The following TMEM120B variants were observed in gnomAD, a reference collection of about 807,000 sequenced individuals.
TMEM120B encodes transmembrane protein 120B.
TMEM120B carries 31 observed loss-of-function variants against 55.5 expected under a neutral mutation model. The ratio of observed to expected loss-of-function variants is 0.56; its 90% CI spans 0.42 to 0.75. The LOEUF is 0.75. Ranked by LOEUF, TMEM120B falls within the 30% of genes least tolerant of loss-of-function variation. The pLI is 0.00. For missense variants in TMEM120B, 399 were observed against 425.5 expected, an observed-to-expected ratio of 0.94 and a Z score of 0.55; for synonymous variants, 203 against 176.3, an observed-to-expected ratio of 1.15 and a Z score of -1.20.
rs15797 is a variant in TMEM120B, at chr12:121,777,720, C to A, written c.*1998C>A. Reference sequence around the variant, plus strand: ...TGGCAGCTACTCTTCACCTGCAGCCCCAGAGCACAAGGCAATGCAGAAAGG... The same window carrying A: ...TGGCAGCTACTCTTCACCTGCAGCCACAGAGCACAAGGCAATGCAGAAAGG... On this transcript the variant is annotated 3_prime_UTR_variant, in exon 12 of 12. Transcript: ENST00000449592. 59,834 of 152,150 alleles carry A rather than the reference C, an allele frequency of 0.39. 15,060 individuals are homozygous for A. The highest frequency in any genetic ancestry group is 0.73 in the African/African-American group (30,081 of 41,490). The allele number at this position is 152,150 out of a possible 1,614,324, so 9.4% of individuals were successfully genotyped here. A position where few individuals can be genotyped will look rare whatever the true frequency, so the allele number is the denominator to read the frequency against.
At chr12:121,768,750 T>G (rs1333322401) in intron 6 of TMEM120B, among the ~76,000 whole-genome samples, 2 of 152,096 alleles carry the variant, frequency 1.3e-5, no homozygotes, top group Non-Finnish European at 2.9e-5. Flanking sequence ...TCTGGGATGT[T>G]GAAGGTTACA....
intron 1 of TMEM120B, among the ~76,000 whole-genome samples, chr12:121,736,431 G>C (rs1421604894): frequency 6.6e-6 from 1 of 151,314 alleles, no homozygotes; most frequent in South Asian, 2.1e-4. Context: ...GCCTCCCAAA[G>C]TGCTGGGATT....
In TMEM120B at chr12:121,770,952, G is replaced by A. The variant is rs773970595; in HGVS notation, c.597G>A (p.Leu199=). The change falls in exon 7 of 12, where the codon CTG becomes CTA. Residue 199 remains leucine (L), a synonymous_variant. Transcript: ENST00000449592. ...WVSHHYVSTF[L]SGVMLTWPNG... is the part of the protein sequence containing the mutation. ...CTCACCACTACGTCTCCACATTCCTGTCCGGAGTGATGCTGACCTGGTGAG... is the reference window on the plus strand; with the variant it reads ...CTCACCACTACGTCTCCACATTCCTATCCGGAGTGATGCTGACCTGGTGAG... 6.2e-7 allele frequency: 1 copy of A among 1,613,968 alleles called. No individual in the cohort carries two copies. Among genetic ancestry groups the A allele is most frequent in the Non-Finnish European group, 8.5e-7 (1 of 1,180,010 alleles).
intron 1 of TMEM120B, among the ~76,000 whole-genome samples, chr12:121,713,428 A>G (rs1218248274): frequency 1.3e-5 from 2 of 152,058 alleles, no homozygotes; most frequent in Non-Finnish European, 2.9e-5. Context: ...TGGGAGGTGT[A>G]CTTAAGAGCT....
At chr12:121,772,837 C>T (rs979591795) in intron 8 of TMEM120B, among the ~76,000 whole-genome samples, 4 of 152,290 alleles carry the variant, frequency 2.6e-5, no homozygotes, top group Admixed American at 6.5e-5. Context: ...CTAGAGGTGA[C>T]GTTAGTTAAG....
intron 1 of TMEM120B, among the ~76,000 whole-genome samples, chr12:121,732,743 G>A (rs1266914834): frequency 6.6e-6 from 1 of 152,110 alleles, no homozygotes; most frequent in East Asian, 1.9e-4. Flanking sequence ...ACTTTGGGAG[G>A]CCGAGGCAGG....
chr12:121,754,706 G>T (rs1303648862), intron 5 of TMEM120B, among the ~76,000 whole-genome samples: 2 of 152,216 alleles, frequency 1.3e-5, no homozygotes, highest in Non-Finnish European at 2.9e-5. Flanking sequence ...AACACAGTAT[G>T]ACCTCATTTG....
Position 121,775,646 on chromosome 12 carries a change from T to C in TMEM120B, c.944T>C (p.Leu315Pro). Residue 315 changes from leucine to proline, a missense_variant, in exon 12 of 12, where the codon CTC (leucine) becomes CCC (proline). By Grantham distance (98) the Leu-to-Pro change is moderately conservative. Around this residue, in one of 3 missense-constraint regions of TMEM120B, gnomAD observed 260 missense variants for 303.9 expected, o/e 0.86. Coordinates refer to ENST00000449592, the MANE Select transcript of TMEM120B (RefSeq NM_001080825.2). This position sits in a 1 kb window ranked among gnomAD's most constrained non-coding sequence, Gnocchi z 4.3. ...GCGTTCACCTTCCTCATCCTCTTCC[T>C]CGGCAACTTCCTGACCACGCTCAAA... ...VLAFTFLILF[L>P]GNFLTTLKVV... 6.2e-7 allele frequency: 1 copy of C among 1,613,988 alleles called. No homozygotes were observed. The highest frequency in any genetic ancestry group is 1.3e-5 in the African/African-American group (1 of 75,014).
intron 3 of TMEM120B, 38 bp downstream of exon 3, chr12:121,748,480 C>G: frequency 2.8e-6 from 4 of 1,410,888 alleles, no homozygotes; most frequent in Non-Finnish European, 4.0e-6. Context: ...AGCACAGGCC[C>G]ATGCCCAGGC....
intron 6 of TMEM120B, among the ~76,000 whole-genome samples, chr12:121,768,037 TG>T (rs1398316615): frequency 2.0e-5 from 3 of 152,184 alleles, no homozygotes; most frequent in Non-Finnish European, 4.4e-5. Context: ...CTCTTCAAGC[TG>T]GAAGTTGGGG....
At chr12:121,715,724 C>T (rs754626088) in intron 1 of TMEM120B, among the ~76,000 whole-genome samples, 8 of 152,132 alleles carry the variant, frequency 5.3e-5, no homozygotes, top group South Asian at 4.1e-4. Context: ...GATCATAGAT[C>T]GGAGCAGAAA....
chr12:121,779,383 C>T lies in TMEM120B; in HGVS notation c.*3661C>T, dbSNP rs564055361. On this transcript the variant is annotated 3_prime_UTR_variant, in exon 12 of 12. Transcript: ENST00000449592. ...TTCCAGAATGTTCCAAGAGTCTAGC[C>T]GCAGGCCCCAGACACCATGAGCTGG... The T allele has an allele frequency of 1.9e-5, 22 of 1,136,752 alleles. No individual in the cohort carries two copies. Among genetic ancestry groups the T allele is most frequent in the Admixed American group, 5.0e-5 (2 of 39,918 alleles). 70.4% of individuals were successfully genotyped at this position (1,136,752 alleles called of 1,614,324 possible).
At chr12:121,770,281 C>T (rs1449797872) in intron 6 of TMEM120B, among the ~76,000 whole-genome samples, 5 of 152,062 alleles carry the variant, frequency 3.3e-5, no homozygotes, top group African/African-American at 1.2e-4. Flanking sequence ...TGTGCACAAA[C>T]AGCCCTGGTG....
intron 4 of TMEM120B, among the ~76,000 whole-genome samples, chr12:121,751,570 A>T (rs1349137822): frequency 1.3e-5 from 2 of 151,504 alleles, no homozygotes; most frequent in African/African-American, 4.9e-5. Flanking sequence ...TGGCTTTTGG[A>T]GTTTCTGACA....
intron 5 of TMEM120B, among the ~76,000 whole-genome samples, chr12:121,760,992 T>C (rs1027599936): frequency 5.9e-5 from 9 of 152,112 alleles, no homozygotes; most frequent in South Asian, 2.1e-4. Context: ...CTTTTGTTTT[T>C]TTTTGGGACA....
At chr12:121,744,252 C>T (rs775947238) in intron 2 of TMEM120B, among the ~76,000 whole-genome samples, 6 of 152,086 alleles carry the variant, frequency 3.9e-5, no homozygotes, top group Non-Finnish European at 2.9e-5. Flanking sequence ...GTACTTCAGC[C>T]GACATTCTGG....
intron 1 of TMEM120B, among the ~76,000 whole-genome samples, chr12:121,724,030 CTTTTTTTT>C (rs56972824): frequency 2.9e-4 from 22 of 75,996 alleles, no homozygotes; most frequent in South Asian, 1.4e-3. Flanking sequence ...TCAAGTGATC[CTTTTTTTT>C]TTTTTTTTTT....
intron 4 of TMEM120B, 80 bp from the exon 5 acceptor site, chr12:121,752,048 C>T (rs545292737): frequency 1.7e-6 from 2 of 1,177,702 alleles, no homozygotes; most frequent in African/African-American, 3.0e-5. Context: ...GGACAAGGGT[C>T]TGATGGGGCT....
At chr12:121,744,369 G>A (rs1873021716) in intron 2 of TMEM120B, among the ~76,000 whole-genome samples, 1 of 152,232 alleles carries the variant, frequency 6.6e-6, no homozygotes, top group African/African-American at 2.4e-5. Flanking sequence ...GGCCCTGGGC[G>A]GTGGAGGGAT....
Sources: gnomAD v4.1 joint callset for allele counts (sites outside exome capture counted in the v4.1 genomes callset) on GRCh38, gnomAD v4.1.1 for gene constraint, gnomAD v4.1.1 regional missense constraint, Gnocchi (gnomAD v3.1) non-coding constraint, MANE v1.5 for transcripts, NCBI Gene and HGNC (gene_info 2026-07-23, HGNC 2026-07-21) for gene names.